PDE11A: variants seen among roughly 807,000 people sequenced by gnomAD.
PDE11A encodes the protein dual 3',5'-cyclic-AMP and -GMP phosphodiesterase 11A.
A neutral mutation model predicts 100.5 loss-of-function variants in PDE11A; 100 were observed. The ratio of observed to expected loss-of-function variants is 1.00; its 90% CI spans 0.85 to 1.18. The LOEUF (loss-of-function observed/expected upper bound fraction) is 1.18, where lower values mean the gene tolerates loss of function less well. Among genes scored for constraint, PDE11A ranks in the 50% most tolerant of loss-of-function variants. PDE11A has a pLI of 0.00. For synonymous variants in PDE11A, 381 were observed against 420.8 expected (o/e 0.91, Z 1.16); for missense variants, 1,141 against 1,152.6 (o/e 0.99, Z 0.15).
intron 2 of PDE11A, among the ~76,000 whole-genome samples, chr2:177,959,254 T>A (rs911652991): frequency 6.6e-6 from 1 of 151,926 alleles, no homozygotes; most frequent in African/African-American, 2.4e-5. Flanking sequence ...GTATTGAACA[T>A]GATGGAAAGA....
chr2:177,931,756 A>G (rs556777947), intron 2 of PDE11A, among the ~76,000 whole-genome samples: 62 of 152,214 alleles, frequency 4.1e-4, no homozygotes, highest in Admixed American at 5.2e-4. Flanking sequence ...AAACAGGAAC[A>G]AACTAACCCC....
At chr2:177,702,038 G>C (rs1362772883) in intron 13 of PDE11A, among the ~76,000 whole-genome samples, 1 of 152,158 alleles carries the variant, frequency 6.6e-6, no homozygotes, top group Admixed American at 6.5e-5. Flanking sequence ...GTAGATTGTA[G>C]TCTGTATTAA....
At chr2:177,930,525 G>A (rs564158470) in intron 2 of PDE11A, among the ~76,000 whole-genome samples, 46 of 152,198 alleles carry the variant, frequency 3.0e-4, no homozygotes, top group African/African-American at 1.1e-3. Flanking sequence ...AGTAGAATCT[G>A]AATAACTACT....
At chr2:177,931,921 A>AG (rs2085211917) in intron 2 of PDE11A, among the ~76,000 whole-genome samples, 1 of 151,314 alleles carries the variant, frequency 6.6e-6, no homozygotes, top group South Asian at 2.1e-4. Context: ...CAAAAAAAAA[A>AG]AAAAAAAAAG....
At chr2:177,719,364 G>C (rs553751568) in intron 12 of PDE11A, among the ~76,000 whole-genome samples, 4 of 152,308 alleles carry the variant, frequency 2.6e-5, no homozygotes, top group Admixed American at 1.3e-4. Flanking sequence ...CCCTAAAGCT[G>C]AAGACAGTAG....
intron 5 of PDE11A, among the ~76,000 whole-genome samples, chr2:177,854,933 T>C (rs1023415356): frequency 2.6e-5 from 4 of 152,000 alleles, no homozygotes; most frequent in African/African-American, 9.7e-5. Flanking sequence ...TGCTAGAGAG[T>C]AGTCAAAAAG....
At chr2:177,932,832 TA>T (rs58921185) in intron 2 of PDE11A, among the ~76,000 whole-genome samples, 382 of 140,036 alleles carry the variant, frequency 2.7e-3, no homozygotes, top group Middle Eastern at 3.6e-3. Flanking sequence ...AGGCAAGAGT[TA>T]AAAAAAAAAA....
chr2:177,628,892 C>A lies in PDE11A; in HGVS notation c.*515G>T. On this transcript the variant is annotated 3_prime_UTR_variant, in exon 20 of 20. Coordinates refer to ENST00000286063, the MANE Select transcript of PDE11A (RefSeq NM_016953.4). The stretch of plus-strand genomic sequence containing the variant: ...AGGTAGGCAATTCTAAAGGATCCAT[C>A]AATAAGAAGCTCTAGGATTAAAAAT... The A allele has an allele frequency of 5.6e-6, 1 of 177,024 alleles. No homozygotes were observed. The highest frequency in any genetic ancestry group is 2.4e-5 in the African/African-American group (1 of 41,848). 11.0% of individuals were successfully genotyped at this position (177,024 alleles called of 1,614,324 possible).
At chr2:177,679,811 T>C (rs908843612) in intron 16 of PDE11A, among the ~76,000 whole-genome samples, 5 of 151,850 alleles carry the variant, frequency 3.3e-5, no homozygotes, top group Non-Finnish European at 7.4e-5. Flanking sequence ...AGGAGCATGA[T>C]TGATAGAGCC....
chr2:177,641,901 T>C (rs1014365693), intron 19 of PDE11A, among the ~76,000 whole-genome samples: 1 of 152,210 alleles, frequency 6.6e-6, no homozygotes, highest in Admixed American at 6.5e-5. Flanking sequence ...CTTCATATAG[T>C]TTATCTCATT....
chr2:177,879,988 G>C (rs1219601041), intron 4 of PDE11A, among the ~76,000 whole-genome samples: 1 of 152,224 alleles, frequency 6.6e-6, no homozygotes, highest in Non-Finnish European at 1.5e-5. Context: ...TAAGGGGAAA[G>C]TCAAGGACTA....
At chr2:177,801,162 C>T (rs1393450616) in intron 9 of PDE11A, among the ~76,000 whole-genome samples, 4 of 152,202 alleles carry the variant, frequency 2.6e-5, no homozygotes, top group Non-Finnish European at 5.9e-5. Flanking sequence ...CATAGTTCAA[C>T]TGTCACTTGC....
In PDE11A at chr2:177,995,650, A is replaced by T. The variant is rs2366354; in HGVS notation, c.1071+18652T>A. Among the ~76,000 whole-genome samples the T allele has an allele frequency of 1.4e-4, 21 of 150,560 alleles. 1 individual carries two copies. Among genetic ancestry groups the T allele is most frequent in the Non-Finnish European group, 1.8e-4 (12 of 67,904 alleles). On this transcript the variant is annotated intron_variant, in intron 2 of 19. Transcript: ENST00000286063. ...ATTAAATACTCCACAAACACCACCC[A>T]CCCCGCATCTGCTGTTTTAACCTAA...
chr2:177,748,587 G>T (rs925974298), intron 10 of PDE11A, among the ~76,000 whole-genome samples: 8 of 151,930 alleles, frequency 5.3e-5, no homozygotes, highest in African/African-American at 1.7e-4. Context: ...AAAGCTTCTT[G>T]CTCTTATCTA....
intron 4 of PDE11A, among the ~76,000 whole-genome samples, chr2:177,882,713 G>A (rs952607081): frequency 1.3e-5 from 2 of 152,162 alleles, no homozygotes; most frequent in African/African-American, 4.8e-5. Flanking sequence ...GCCAAGTGAA[G>A]TAAACAAAAC....
At chr2:177,806,689 G>T (rs1037964103) in intron 9 of PDE11A, among the ~76,000 whole-genome samples, 1 of 152,074 alleles carries the variant, frequency 6.6e-6, no homozygotes, top group Non-Finnish European at 1.5e-5. Flanking sequence ...AATACAGGCA[G>T]ACTTACAGAT....
At chr2:177,632,633 A>C (rs2079969592) in intron 19 of PDE11A, among the ~76,000 whole-genome samples, 1 of 151,708 alleles carries the variant, frequency 6.6e-6, no homozygotes, top group Non-Finnish European at 1.5e-5. Context: ...ACTTCCTTGT[A>C]CTCTCTGACT....
At chr2:177,925,266 AAT>A in intron 2 of PDE11A, among the ~76,000 whole-genome samples, 1 of 152,066 alleles carries the variant, frequency 6.6e-6, no homozygotes, top group East Asian at 1.9e-4. Flanking sequence ...GGCTGGGTCA[AAT>A]GTTATTTCTA....
intron 9 of PDE11A, among the ~76,000 whole-genome samples, chr2:177,792,652 C>T (rs972198593): frequency 6.6e-6 from 1 of 152,108 alleles, no homozygotes; most frequent in Admixed American, 6.6e-5. Flanking sequence ...CTCACTAGGG[C>T]CACAGAAGTG....
Sources: allele counts gnomAD v4.1 joint callset (sites outside exome capture counted in the v4.1 genomes callset), GRCh38; gene constraint gnomAD v4.1.1; transcripts MANE v1.5; gene names NCBI Gene and HGNC (gene_info 2026-07-23, HGNC 2026-07-21).